EML6: variants seen among roughly 807,000 people sequenced by gnomAD.
EML6 encodes the protein echinoderm microtubule-associated protein-like 6.
In EML6, 154 loss-of-function variants were observed where a neutral mutation model predicts 240.1. That is an observed-to-expected ratio of 0.64 (90% CI 0.56 to 0.73). The LOEUF is 0.73. EML6 is among the 30% of genes least tolerant of loss of function. The pLI, the probability that EML6 is intolerant of heterozygous loss-of-function variation, is 0.00. For missense variants in EML6, 2,964 were observed against 2,474.6 expected (o/e 1.20, Z -4.20); for synonymous variants, 1,148 against 899.0 (o/e 1.28, Z -4.95).
At chr2:54,834,478 A>C (rs1480679214) in intron 7 of EML6, among the ~76,000 whole-genome samples, 2 of 152,252 alleles carry the variant, frequency 1.3e-5, no homozygotes, top group Middle Eastern at 3.2e-3. Flanking sequence ...CACACAGTAT[A>C]AGATGTATTA....
chr2:54,912,517 A>T (rs1223956765), intron 25 of EML6, among the ~76,000 whole-genome samples: 1 of 152,184 alleles, frequency 6.6e-6, no homozygotes, highest in Non-Finnish European at 1.5e-5. Context: ...TCACCCAGGT[A>T]GAGAGCACAG....
At chr2:54,751,138 A>T (rs1255874734) in intron 2 of EML6, among the ~76,000 whole-genome samples, 1 of 152,222 alleles carries the variant, frequency 6.6e-6, no homozygotes, top group Non-Finnish European at 1.5e-5. Context: ...GCCTTCACCA[A>T]TATCTTTTTA....
intron 5 of EML6, among the ~76,000 whole-genome samples, chr2:54,821,532 C>T (rs1668334358): frequency 6.6e-6 from 1 of 152,020 alleles, no homozygotes; most frequent in Non-Finnish European, 1.5e-5. Context: ...CAGAATTTCC[C>T]TTTAAATTAT....
intron 17 of EML6, among the ~76,000 whole-genome samples, chr2:54,887,223 C>A (rs1255098615): frequency 6.6e-6 from 1 of 152,228 alleles, no homozygotes; most frequent in African/African-American, 2.4e-5. Context: ...ACCACATTTT[C>A]TAATGGTTGT....
At chr2:54,882,861 A>AT in intron 17 of EML6, 2 of 133,544 alleles carry the variant, frequency 1.5e-5, no homozygotes, top group African/African-American at 5.4e-5. Context: ...CCGTCTCAAA[A>AT]AAAAAAAAAA....
intron 18 of EML6, 87 bp from the exon 19 acceptor site, chr2:54,892,367 C>G (rs1307759990): frequency 2.5e-6 from 2 of 788,102 alleles, no homozygotes; most frequent in Non-Finnish European, 4.2e-6. Context: ...ATGAGAGACA[C>G]CAGGTTTCTC....
At chr2:54,943,105 C>A (rs1344268157) in intron 28 of EML6, among the ~76,000 whole-genome samples, 1 of 152,184 alleles carries the variant, frequency 6.6e-6, no homozygotes, top group Non-Finnish European at 1.5e-5. Flanking sequence ...TGCTTCTCAG[C>A]AGTCATCCAG....
intron 38 of EML6, among the ~76,000 whole-genome samples, chr2:54,966,184 G>GA (rs1397123749): frequency 6.6e-6 from 1 of 152,172 alleles, no homozygotes; most frequent in Non-Finnish European, 1.5e-5. Flanking sequence ...TGCCAAGAAG[G>GA]AAAAGTACAG....
In EML6 at chr2:54,724,957, G is replaced by A; in HGVS notation, c.-105G>A. 1.0e-6 allele frequency: 1 copy of A among 955,672 alleles called. No individual in the cohort carries two copies. The highest frequency in any genetic ancestry group is 1.4e-6 in the Non-Finnish European group (1 of 737,622). 59.2% of individuals were successfully genotyped at this position (955,672 alleles called of 1,614,324 possible). On this transcript the variant is annotated 5_prime_UTR_variant, in exon 2 of 42. Coordinates refer to ENST00000356458, the MANE Select transcript of EML6 (RefSeq NM_001039753.4). The surrounding 1 kb of genome is among the most constrained non-coding windows in gnomAD (Gnocchi z 5.2). ...CCTGTGTGTCGCCGCGGAAATCAGC[G>A]CCCTGCGCCGCGCGCTGAGCCCCTG... is the stretch of plus-strand genomic sequence containing the variant.
At chr2:54,969,050 G>A (rs1272050552) in intron 41 of EML6, among the ~76,000 whole-genome samples, 1 of 152,190 alleles carries the variant, frequency 6.6e-6, no homozygotes, top group African/African-American at 2.4e-5. Context: ...GGGACAGGTG[G>A]ATGACACCCG....
intron 2 of EML6, among the ~76,000 whole-genome samples, chr2:54,785,635 T>A (rs748612321): frequency 1.4e-4 from 22 of 152,238 alleles, no homozygotes; most frequent in Admixed American, 6.5e-5. Context: ...CTGTGAATGA[T>A]TCCATGTACT....
intron 3 of EML6, among the ~76,000 whole-genome samples, chr2:54,814,673 G>T (rs1344491879): frequency 6.6e-6 from 1 of 152,228 alleles, no homozygotes; most frequent in Non-Finnish European, 1.5e-5. Context: ...CTGAAAGTCT[G>T]TGGGAAATTC....
intron 26 of EML6, among the ~76,000 whole-genome samples, chr2:54,926,545 C>G (rs533062834): frequency 6.6e-6 from 1 of 152,366 alleles, no homozygotes; most frequent in South Asian, 2.1e-4. Context: ...ATGGCTGTGC[C>G]AGGTCTTGAG....
intron 32 of EML6, among the ~76,000 whole-genome samples, chr2:54,955,649 A>G (rs1676197381): frequency 6.6e-6 from 1 of 152,188 alleles, no homozygotes; most frequent in Non-Finnish European, 1.5e-5. Context: ...CTGTCCTCCA[A>G]GCAGTGCCTG....
intron 2 of EML6, among the ~76,000 whole-genome samples, chr2:54,737,957 C>T (rs1683469501): frequency 6.6e-6 from 1 of 152,170 alleles, no homozygotes; most frequent in South Asian, 2.1e-4. Context: ...GGCCTTTGTA[C>T]TCTTTTGCAC....
intron 2 of EML6, among the ~76,000 whole-genome samples, chr2:54,797,190 C>CAAAAAAAAAAAAAAAAAAA (rs1553380399): frequency 1.5e-5 from 1 of 67,742 alleles, no homozygotes; most frequent in Non-Finnish European, 3.1e-5. Flanking sequence ...AAAAAAAAAA[C>CAAAAAAAAAAAAAAAAAAA]TGTGATCTTG....
In EML6 at chr2:54,971,473, C is replaced by T. The variant is rs931620291; in HGVS notation, c.*1378C>T. On this transcript the variant is annotated 3_prime_UTR_variant, in exon 42 of 42. Transcript: ENST00000356458. Reference sequence around the variant, plus strand: ...TAGACCTACAGTTACTGGCTACTTGCATTTGTCAGTTTAGAGAAAAGGTAA... The same window carrying T: ...TAGACCTACAGTTACTGGCTACTTGTATTTGTCAGTTTAGAGAAAAGGTAA... 3.3e-5 allele frequency: 5 copies of T among 152,168 alleles called. No individual in the cohort carries two copies. The highest frequency in any genetic ancestry group is 4.1e-4 in the South Asian group (2 of 4,830). The allele number at this position is 152,168 out of a possible 1,614,324, so 9.4% of individuals were successfully genotyped here.
chr2:54,890,814 G>A (rs1482432046), intron 17 of EML6, among the ~76,000 whole-genome samples: 1 of 152,054 alleles, frequency 6.6e-6, no homozygotes. Context: ...TCATTACTTT[G>A]CTTAAAGTAT....
chr2:54,827,559 A>T lies in EML6; in HGVS notation c.526-7A>T, dbSNP rs1013330137. On this transcript the variant is annotated splice_region_variant and splice_polypyrimidine_tract_variant and intron_variant, in intron 5 of 41. Coordinates refer to ENST00000356458, the MANE Select transcript of EML6 (RefSeq NM_001039753.4). ...CTTGGAGATCTATTTTATCACTTAC[A>T]TTGTAGTTTTGGACACTGTGTGGAA... 2 of 1,550,094 alleles carry T rather than the reference A, an allele frequency of 1.3e-6. No individual in the cohort carries two copies. Among genetic ancestry groups the T allele is most frequent in the African/African-American group, 2.7e-5 (2 of 73,106 alleles).
Sources: gnomAD v4.1 joint callset for allele counts (sites outside exome capture counted in the v4.1 genomes callset) on GRCh38, gnomAD v4.1.1 for gene constraint, Gnocchi (gnomAD v3.1) non-coding constraint, MANE v1.5 for transcripts, NCBI Gene and HGNC (gene_info 2026-07-23, HGNC 2026-07-21) for gene names.